POSTN: variants seen among roughly 807,000 people sequenced by gnomAD.
POSTN encodes osteoblast specific factor 2 (fasciclin I-like).
A neutral mutation model predicts 104.5 loss-of-function variants in POSTN; 71 were observed. The ratio of observed to expected loss-of-function variants is 0.68; its 90% CI spans 0.56 to 0.83. The LOEUF (loss-of-function observed/expected upper bound fraction) is 0.83, where lower values mean the gene tolerates loss of function less well. Among genes scored for constraint, POSTN ranks in the 40% least tolerant of loss-of-function variants. The pLI is 0.00. For missense variants in POSTN, 949 were observed against 1,006.8 expected (o/e 0.94, Z 0.78); for synonymous variants, 355 against 340.7 (o/e 1.04, Z -0.46).
chr13:37,592,560 A>G (rs1485163733), intron 2 of POSTN, among the ~76,000 whole-genome samples: 1 of 151,982 alleles, frequency 6.6e-6, no homozygotes, highest in Non-Finnish European at 1.5e-5. Flanking sequence ...GGCCTCCCAA[A>G]GTGTTGGGAT....
Position 37,590,546 on chromosome 13 carries a change from A to G in POSTN, c.284-17T>C, listed in dbSNP as rs756142068. On this transcript the variant is annotated splice_polypyrimidine_tract_variant and intron_variant, in intron 3 of 22. Transcript: ENST00000379747. ...TGGGCAAAACTGAAATAATCAAGAAATGAATCAGTACTGGGGATAATATTC... is the reference window on the plus strand; with the variant it reads ...TGGGCAAAACTGAAATAATCAAGAAGTGAATCAGTACTGGGGATAATATTC... 1.9e-6 allele frequency: 3 copies of G among 1,602,230 alleles called. No homozygotes were observed. Among genetic ancestry groups the G allele is most frequent in the Non-Finnish European group, 1.7e-6 (2 of 1,170,898 alleles).
At chr13:37,596,328 T>C (rs1357177156) in intron 2 of POSTN, among the ~76,000 whole-genome samples, 1 of 152,100 alleles carries the variant, frequency 6.6e-6, no homozygotes, top group African/African-American at 2.4e-5. Flanking sequence ...CACCTAAACC[T>C]TTCTGATTGC....
rs1949986233 is a variant in POSTN, at chr13:37,563,345, A to G, written c.2499T>C (p.Gly833=). The G allele has an allele frequency of 1.9e-6, 3 of 1,589,090 alleles. No homozygotes were observed. The highest frequency in any genetic ancestry group is 2.6e-6 in the Non-Finnish European group (3 of 1,160,862). Residue 833 remains glycine (G), a synonymous_variant, in exon 23 of 23, where the codon GGT becomes GGC. Coordinates refer to ENST00000379747, the MANE Select transcript of POSTN (RefSeq NM_006475.3). ...VQGSRRRLRE[G]RSQ Reference sequence around the variant, plus strand: ...GGTTTTTGGATTTTCACTGAGAACGACCTTCCCTTAATCGTCTTCTAGATC... The same window carrying G: ...GGTTTTTGGATTTTCACTGAGAACGGCCTTCCCTTAATCGTCTTCTAGATC...
chr13:37,592,688 A>G (rs1311041509), intron 2 of POSTN, among the ~76,000 whole-genome samples: 2 of 152,178 alleles, frequency 1.3e-5, no homozygotes, highest in Non-Finnish European at 2.9e-5. Flanking sequence ...GAAGAACGAC[A>G]TTTGGGTCCT....
At position 37,569,456 on chromosome 13, in the gene POSTN, A is replaced by G. The variant is rs1026059409; in HGVS notation, c.2348-73T>C. ...AAAGACAGCAGACTTTATGTCATAA[A>G]TAATGGCATCTGCCCAATAATGAAT... On this transcript the variant is annotated intron_variant, in intron 20 of 22. Transcript: ENST00000379747. 47 of 1,174,558 alleles carry G rather than the reference A, an allele frequency of 4.0e-5. No homozygotes were observed. The African/African-American group carries it at 6.5e-4, about 16-fold the overall frequency. 72.8% of individuals were successfully genotyped at this position (1,174,558 alleles called of 1,614,324 possible).
intron 17 of POSTN, among the ~76,000 whole-genome samples, chr13:37,574,284 T>C (rs548641288): frequency 6.6e-6 from 1 of 151,734 alleles, no homozygotes; most frequent in Admixed American, 6.6e-5. Context: ...AAAAAACTCA[T>C]GTCTTTGTTT....
intron 2 of POSTN, among the ~76,000 whole-genome samples, chr13:37,595,763 GT>G (rs1951066434): frequency 6.7e-6 from 1 of 149,228 alleles, no homozygotes; most frequent in South Asian, 2.1e-4. Context: ...TTAAATCCAT[GT>G]TTTACAGGTA....
In POSTN at chr13:37,586,899, G is replaced by T. The variant is rs1950763365; in HGVS notation, c.636C>A (p.Ile212=). Residue 212 remains isoleucine, a synonymous_variant, in exon 6 of 23, where the codon ATC becomes ATA. Coordinates refer to ENST00000379747, the MANE Select transcript of POSTN (RefSeq NM_006475.3). ...CATTTGTTGCAATCTGGTTCCCATG[G>T]ATGATTCGAGCACAATTAACAGTGA... The part of the protein sequence containing the change: ...GVVTVNCARI[I]HGNQIATNGV... 8.1e-6 allele frequency: 13 copies of T among 1,613,388 alleles called. No individual in the cohort carries two copies. Among genetic ancestry groups the T allele is most frequent in the East Asian group, 4.5e-5 (2 of 44,830 alleles).
At chr13:37,598,162 G>C (rs1362011531) in intron 1 of POSTN, among the ~76,000 whole-genome samples, 2 of 152,080 alleles carry the variant, frequency 1.3e-5, no homozygotes, top group South Asian at 2.1e-4. Flanking sequence ...ACATTACCCA[G>C]TATTTAACCT....
chr13:37,597,674 C>G (rs1397609068), intron 1 of POSTN, among the ~76,000 whole-genome samples: 1 of 152,130 alleles, frequency 6.6e-6, no homozygotes, highest in African/African-American at 2.4e-5. Flanking sequence ...CTTCAGGGCT[C>G]TCTGGAACAA....
At chr13:37,567,944 A>G (rs1005780593) in intron 21 of POSTN, among the ~76,000 whole-genome samples, 2 of 152,098 alleles carry the variant, frequency 1.3e-5, no homozygotes, top group South Asian at 4.1e-4. Context: ...TGCAGCTACT[A>G]ATTTATTGAT....
intron 3 of POSTN, 56 bp from the exon 4 acceptor site, chr13:37,590,585 C>T (rs1044742161): frequency 4.3e-6 from 6 of 1,395,754 alleles, no homozygotes; most frequent in Non-Finnish European, 5.8e-6. Context: ...GGATATTATT[C>T]ATAATCATTT....
Position 37,579,076 on chromosome 13 carries a change from C to T in POSTN, c.1837G>A (p.Asp613Asn), listed in dbSNP as rs761746199. The stretch of plus-strand genomic sequence containing the variant: ...ATTACACCATTTGTTGTCATGATGT[C>T]AGATTCTTTTGATTTCAATTCATTC... ...LVNELKSKESDIMTTNGVIHV... is the reference protein window; with the variant it reads ...LVNELKSKESNIMTTNGVIHV... The change falls in exon 14 of 23, where the codon GAC becomes AAC. Residue 613 changes from aspartate (D) to asparagine (N), a missense_variant. By Grantham distance (23) the Asp-to-Asn change is conservative (BLOSUM62 1). Coordinates refer to ENST00000379747, the MANE Select transcript of POSTN (RefSeq NM_006475.3). The T allele has an allele frequency of 3.7e-6, 6 of 1,613,252 alleles. No homozygotes were observed. The highest frequency in any genetic ancestry group is 4.5e-5 in the East Asian group (2 of 44,730).
At chr13:37,566,977 C>A (rs1238981326) in intron 21 of POSTN, among the ~76,000 whole-genome samples, 1 of 151,784 alleles carries the variant, frequency 6.6e-6, no homozygotes, top group Non-Finnish European at 1.5e-5. Context: ...TGGCTCACGC[C>A]TGTAATCCCA....
At chr13:37,580,491 G>A (rs1950547237) in intron 11 of POSTN, 70 bp downstream of exon 11, 2 of 1,547,740 alleles carry the variant, frequency 1.3e-6, no homozygotes, top group East Asian at 4.5e-5. Flanking sequence ...TGCCTTTTGG[G>A]ATACCGCCTA....
At position 37,596,955 on chromosome 13, in the gene POSTN, T is replaced by C. The variant is rs545604770; in HGVS notation, c.218+229A>G. ...CTGAGCCATGTGATCTGCTTCCTTC[T>C]GGCCTCCATGTCACATGGATTCAGG... On this transcript the variant is annotated intron_variant, in intron 2 of 22. Coordinates refer to ENST00000379747, the MANE Select transcript of POSTN (RefSeq NM_006475.3). Among the ~76,000 whole-genome samples, 3 of 151,954 alleles carry C rather than the reference T, an allele frequency of 2.0e-5. No homozygotes were observed. In the East Asian group the frequency reaches 5.8e-4, roughly 30 times the overall value.
At chr13:37,582,682 A>G (rs111313746) in intron 9 of POSTN, among the ~76,000 whole-genome samples, 168 bp from the exon 10 acceptor site, 2 of 152,304 alleles carry the variant, frequency 1.3e-5, no homozygotes, top group African/African-American at 4.8e-5. Context: ...TAACAATTCA[A>G]TTCACCAAGT....
chr13:37,588,611 G>A (rs566421658), intron 4 of POSTN, among the ~76,000 whole-genome samples: 24 of 152,262 alleles, frequency 1.6e-4, no homozygotes, highest in Admixed American at 3.3e-4. Flanking sequence ...ACAGCTATTC[G>A]GAAGTAGTTT....
chr13:37,592,858 A>G (rs1029620990), intron 2 of POSTN, among the ~76,000 whole-genome samples: 2 of 152,182 alleles, frequency 1.3e-5, no homozygotes, highest in African/African-American at 4.8e-5. Flanking sequence ...ATCATTTTGT[A>G]AACTAAAAAT....
Sources: gnomAD v4.1 joint callset for allele counts (sites outside exome capture counted in the v4.1 genomes callset) on GRCh38, gnomAD v4.1.1 for gene constraint, MANE v1.5 for transcripts, NCBI Gene and HGNC (gene_info 2026-07-23, HGNC 2026-07-21) for gene names.